The following TANGO6 variants were observed in gnomAD, a reference collection of about 807,000 sequenced individuals.
The protein encoded by TANGO6 is transport and Golgi organization protein 6 homolog.
Under a neutral mutation model 114.2 loss-of-function variants are expected in TANGO6, and 90 were observed. The observed-to-expected ratio is 0.79, with a 90% CI of 0.66 to 0.94. The LOEUF (loss-of-function observed/expected upper bound fraction) is 0.94. TANGO6 is among the 40% of genes least tolerant of loss of function. TANGO6 has a pLI of 0.00. For missense variants in TANGO6, 1,274 were observed against 1,315.3 expected, an observed-to-expected ratio of 0.97 and a Z score of 0.49; for synonymous variants, 477 against 509.8, an observed-to-expected ratio of 0.94 and a Z score of 0.87.
Position 69,083,879 on chromosome 16 carries a change from A to G in TANGO6, c.*218A>G. 2.1e-6 allele frequency: 1 copy of G among 481,538 alleles called. No individual in the cohort carries two copies. Among genetic ancestry groups the G allele is most frequent in the South Asian group, 3.5e-5 (1 of 28,984 alleles). The allele number at this position is 481,538 out of a possible 1,614,324, so 29.8% of individuals were successfully genotyped here. ...GCCTGAGGGGTGTACAGTTAAGAGA[A>G]GACAGTTACAGATCTCATTAATCTA... is the stretch of plus-strand genomic sequence containing the variant. On this transcript the variant is annotated 3_prime_UTR_variant, in exon 18 of 18. Transcript: ENST00000261778.
intron 7 of TANGO6, among the ~76,000 whole-genome samples, chr16:68,884,468 T>G (rs192521867): frequency 1.3e-4 from 20 of 152,302 alleles, no homozygotes; most frequent in African/African-American, 4.6e-4. Flanking sequence ...TATGGAGAGA[T>G]AAGAAATTAT....
chr16:69,043,431 G>C (rs983514069), intron 17 of TANGO6, among the ~76,000 whole-genome samples: 3 of 152,028 alleles, frequency 2.0e-5, no homozygotes, highest in African/African-American at 7.3e-5. Flanking sequence ...TGTCTCACCA[G>C]TACTAAAATA....
Position 68,930,203 on chromosome 16 carries a change from G to A in TANGO6, c.2644-35G>A, listed in dbSNP as rs1312097943. ...GCCTCTTAAATCTTCCTTGTTCTTTGTAAATCTTATCACTGCTGTATTTTG... is the reference window on the plus strand; with the variant it reads ...GCCTCTTAAATCTTCCTTGTTCTTTATAAATCTTATCACTGCTGTATTTTG... On this transcript the variant is annotated intron_variant, in intron 13 of 17. Coordinates refer to ENST00000261778, the MANE Select transcript of TANGO6 (RefSeq NM_024562.2). 2.6e-6 allele frequency: 4 copies of A among 1,540,702 alleles called. No individual in the cohort carries two copies. In the African/African-American group the frequency reaches 4.1e-5, roughly 16 times the overall value.
At chr16:68,867,288 A>G (rs1962193824) in intron 4 of TANGO6, 68 bp downstream of exon 4, 2 of 1,594,852 alleles carry the variant, frequency 1.3e-6, no homozygotes, top group Non-Finnish European at 1.7e-6. Context: ...GAGGTGAATT[A>G]TTGGTCTTTA....
At chr16:69,001,261 G>A (rs538854577) in intron 15 of TANGO6, among the ~76,000 whole-genome samples, 25 of 152,024 alleles carry the variant, frequency 1.6e-4, no homozygotes, top group Non-Finnish European at 2.9e-4. Flanking sequence ...TGGCTCTAAC[G>A]CAGGTAAGTT....
chr16:68,865,753 C>CAAAAAAAAAAAAA (rs367608096), intron 3 of TANGO6, among the ~76,000 whole-genome samples: 2 of 115,042 alleles, frequency 1.7e-5, no homozygotes, highest in Non-Finnish European at 3.9e-5. Context: ...ACTAAAAATA[C>CAAAAAAAAAAAAA]AAAAAAAAAA....
chr16:69,007,264 C>CTTTTTTTTTTTTTTTTTTTT (rs1567557449), intron 15 of TANGO6: 1 of 127,208 alleles, frequency 7.9e-6, no homozygotes. Context: ...TTTCTTTTTT[C>CTTTTTTTTTTTTTTTTTTTT]TTTTCTTTTT....
rs139583434 is a variant in TANGO6, at chr16:69,016,567, C to T, written c.2843-6261C>T. ...AGAATTGTAAAATTAAACTACTAAA[C>T]TCTTGGTTTATTTGCAGTAGCCATT... On this transcript the variant is annotated intron_variant, in intron 15 of 17. Transcript: ENST00000261778. Among the ~76,000 whole-genome samples, 601 of 152,170 alleles carry T rather than the reference C, an allele frequency of 3.9e-3. 4 individuals carry two copies. The highest frequency in any genetic ancestry group is 0.014 in the African/African-American group (571 of 41,524).
intron 17 of TANGO6, among the ~76,000 whole-genome samples, chr16:69,076,620 A>G (rs1960383917): frequency 6.6e-6 from 1 of 152,184 alleles, no homozygotes; most frequent in South Asian, 2.1e-4. Context: ...GAAGCAACGC[A>G]TGGAAAGTGC....
At chr16:68,865,889 G>A (rs1962169525) in intron 3 of TANGO6, among the ~76,000 whole-genome samples, 1 of 151,902 alleles carries the variant, frequency 6.6e-6, no homozygotes, top group African/African-American at 2.4e-5. Context: ...CTGCTCTCCA[G>A]CCTGGGCAAC....
At chr16:68,874,389 G>A (rs933267389) in intron 4 of TANGO6, among the ~76,000 whole-genome samples, 1 of 152,154 alleles carries the variant, frequency 6.6e-6, no homozygotes, top group African/African-American at 2.4e-5. Flanking sequence ...AGGGATCAGT[G>A]TCCTGGGCTG....
At chr16:68,867,005 G>T (rs2152161782) in intron 3 of TANGO6, 74 bp from the exon 4 acceptor site, 2 of 566,932 alleles carry the variant, frequency 3.5e-6, no homozygotes, top group Admixed American at 3.4e-5. Context: ...TTTTTTACAG[G>T]CATGAGCCAC....
chr16:68,962,338 A>C (rs1175122144), intron 14 of TANGO6, among the ~76,000 whole-genome samples: 2 of 152,186 alleles, frequency 1.3e-5, no homozygotes. Context: ...GAGGCCAATC[A>C]GACTGGTGAT....
At chr16:69,022,701 C>CT in intron 15 of TANGO6, 127 bp from the exon 16 acceptor site, 2 of 1,018,384 alleles carry the variant, frequency 2.0e-6, no homozygotes, top group South Asian at 3.5e-5. Flanking sequence ...AAGACCCTGT[C>CT]TCAAAAAAAA....
intron 15 of TANGO6, among the ~76,000 whole-genome samples, chr16:68,974,622 C>T (rs1468550325): frequency 6.6e-6 from 1 of 152,124 alleles, no homozygotes. Context: ...GATCGCGCCA[C>T]TGTGCTCCAG....
intron 14 of TANGO6, among the ~76,000 whole-genome samples, chr16:68,956,652 A>C (rs1440094588): frequency 6.6e-6 from 1 of 152,134 alleles, no homozygotes; most frequent in Non-Finnish European, 1.5e-5. Flanking sequence ...CAGGAGTTTG[A>C]GACTAGCCTG....
At chr16:69,026,443 A>C (rs1280051354) in intron 16 of TANGO6, 1 of 182,696 alleles carries the variant, frequency 5.5e-6, no homozygotes, top group African/African-American at 2.4e-5. Flanking sequence ...CATAACATCC[A>C]GAAGGAAGGG....
In TANGO6 at chr16:69,039,101, C is replaced by T. The variant is rs1291504871; in HGVS notation, c.2995-1207C>T. Among the ~76,000 whole-genome samples the T allele has an allele frequency of 2.1e-4, 32 of 152,118 alleles. 1 individual carries two copies. Among genetic ancestry groups the T allele is most frequent in the Admixed American group, 2.0e-3 (30 of 15,270 alleles). ...TCGGGAGGTTGAGGCAGGAGAATGG[C>T]GTGAACCCGGGAAGCGGAGCTTGCT... On this transcript the variant is annotated intron_variant, in intron 16 of 17. Transcript: ENST00000261778.
At chr16:68,988,467 T>G (rs1253360984) in intron 15 of TANGO6, among the ~76,000 whole-genome samples, 1 of 152,190 alleles carries the variant, frequency 6.6e-6, no homozygotes, top group Non-Finnish European at 1.5e-5. Context: ...CTCTTCTCTC[T>G]TCCATGCACA....
Sources: gnomAD v4.1 joint callset for allele counts (sites outside exome capture counted in the v4.1 genomes callset) on GRCh38, gnomAD v4.1.1 for gene constraint, MANE v1.5 for transcripts, NCBI Gene and HGNC (gene_info 2026-07-23, HGNC 2026-07-21) for gene names.